Variants in CRADD observed in about 807,000 individuals in gnomAD.
CRADD encodes the protein death domain-containing protein CRADD.
In CRADD, 9 loss-of-function variants were observed where a neutral mutation model predicts 15.5. The ratio of observed to expected loss-of-function variants is 0.58; its 90% CI spans 0.35 to 1.01. CRADD has a LOEUF of 1.01. Ranked by LOEUF, CRADD falls within the 50% of genes least tolerant of loss-of-function variation. The pLI, the probability that CRADD is intolerant of heterozygous loss-of-function variation, is 0.02. For synonymous variants in CRADD, 118 were observed against 107.6 expected (o/e 1.10, Z -0.60); for missense variants, 227 against 250.3 (o/e 0.91, Z 0.63).
intron 2 of CRADD, among the ~76,000 whole-genome samples, chr12:93,834,567 C>T (rs1957953139): frequency 6.6e-6 from 1 of 152,202 alleles, no homozygotes; most frequent in South Asian, 2.1e-4. Flanking sequence ...TAGCTCACCA[C>T]AACCTCTACC....
chr12:93,787,293 T>C (rs1957289306), intron 2 of CRADD, among the ~76,000 whole-genome samples: 1 of 146,068 alleles, frequency 6.8e-6, no homozygotes, highest in South Asian at 2.2e-4. Flanking sequence ...GACTGTAAAG[T>C]AGTATGACAG....
intron 2 of CRADD, among the ~76,000 whole-genome samples, chr12:93,867,829 T>TG (rs749709752): frequency 6.6e-6 from 1 of 152,066 alleles, no homozygotes; most frequent in Non-Finnish European, 1.5e-5. Context: ...TGTTTTTGAG[T>TG]GGGGGGCCCA....
At chr12:93,775,738 C>G (rs1957133944) in intron 2 of CRADD, among the ~76,000 whole-genome samples, 2 of 152,104 alleles carry the variant, frequency 1.3e-5, no homozygotes, top group African/African-American at 2.4e-5. Context: ...AGGTTAGAGT[C>G]AGGGTTGCCA....
chr12:93,746,452 G>A (rs1477961460), intron 2 of CRADD, among the ~76,000 whole-genome samples: 1 of 152,190 alleles, frequency 6.6e-6, no homozygotes, highest in Non-Finnish European at 1.5e-5. Flanking sequence ...ATTCTTTCCG[G>A]AAGTTGGACT....
chr12:93,818,905 T>G (rs543220776), intron 2 of CRADD, among the ~76,000 whole-genome samples: 2 of 152,288 alleles, frequency 1.3e-5, no homozygotes, highest in Non-Finnish European at 2.9e-5. Flanking sequence ...TGTCATAGAG[T>G]GCAACCAGGT....
At chr12:93,735,984 G>A (rs1462962726) in intron 2 of CRADD, among the ~76,000 whole-genome samples, 2 of 151,850 alleles carry the variant, frequency 1.3e-5, no homozygotes, top group African/African-American at 4.8e-5. Context: ...TTGAACCCTG[G>A]AGGCGGAGGT....
At chr12:93,817,607 A>G (rs954694917) in intron 2 of CRADD, among the ~76,000 whole-genome samples, 6 of 151,832 alleles carry the variant, frequency 4.0e-5, no homozygotes. Context: ...TCTTCATGAC[A>G]TATTTTTCCC....
intron 2 of CRADD, among the ~76,000 whole-genome samples, chr12:93,801,366 C>T (rs1426908438): frequency 6.6e-6 from 1 of 152,048 alleles, no homozygotes; most frequent in African/African-American, 2.4e-5. Context: ...TTTGATTGGC[C>T]TTAGATGTAG....
chr12:93,868,174 G>C (rs1182926986), intron 2 of CRADD, among the ~76,000 whole-genome samples: 1 of 152,142 alleles, frequency 6.6e-6, no homozygotes, highest in Non-Finnish European at 1.5e-5. Context: ...CTATAGGAAA[G>C]ACTGAAAAGT....
At chr12:93,747,635 T>G (rs1315048205) in intron 2 of CRADD, among the ~76,000 whole-genome samples, 2 of 152,098 alleles carry the variant, frequency 1.3e-5, no homozygotes, top group African/African-American at 4.8e-5. Context: ...TGCTGGCTAA[T>G]TTTTGTATTT....
At chr12:93,747,988 G>GA (rs142890136) in intron 2 of CRADD, among the ~76,000 whole-genome samples, 1,700 of 150,978 alleles carry the variant, frequency 0.011, 34 homozygotes, top group African/African-American at 0.037. Flanking sequence ...GTAAAGTGGA[G>GA]AAAAAAATAT....
intron 2 of CRADD, among the ~76,000 whole-genome samples, chr12:93,749,976 A>G (rs1956811597): frequency 6.6e-6 from 1 of 152,208 alleles, no homozygotes; most frequent in African/African-American, 2.4e-5. Flanking sequence ...ACATGAATGA[A>G]TAAACCTTTA....
chr12:93,829,446 TG>T (rs536350848), intron 2 of CRADD, among the ~76,000 whole-genome samples: 112 of 152,274 alleles, frequency 7.4e-4, no homozygotes, highest in African/African-American at 2.7e-3. Flanking sequence ...GAGTGGATGC[TG>T]GGGGTAGCCA....
intron 2 of CRADD, among the ~76,000 whole-genome samples, chr12:93,742,323 C>G (rs1432542910): frequency 2.0e-5 from 3 of 152,040 alleles, no homozygotes; most frequent in Non-Finnish European, 4.4e-5. Context: ...AATCCCTGCT[C>G]TAGGAACTGG....
intron 2 of CRADD, among the ~76,000 whole-genome samples, chr12:93,843,404 A>T: frequency 1.5e-5 from 2 of 132,386 alleles, no homozygotes; most frequent in Non-Finnish European, 1.6e-5. Flanking sequence ...TTTTTTTGAG[A>T]CAGTCTTGCT....
chr12:93,844,109 A>G (rs1254942243), intron 2 of CRADD, among the ~76,000 whole-genome samples: 1 of 152,200 alleles, frequency 6.6e-6, no homozygotes, highest in Non-Finnish European at 1.5e-5. Flanking sequence ...CCTTGCAATC[A>G]TGAGTTTGAA....
chr12:93,751,004 C>G (rs1039367218), intron 2 of CRADD, among the ~76,000 whole-genome samples: 1 of 152,192 alleles, frequency 6.6e-6, no homozygotes. Context: ...AGGGAATGCT[C>G]TCACTGAACT....
intron 2 of CRADD, among the ~76,000 whole-genome samples, chr12:93,702,139 TA>T (rs1955854856): frequency 6.6e-6 from 1 of 152,130 alleles, no homozygotes; most frequent in Admixed American, 6.6e-5. Context: ...ACAGAACCTT[TA>T]AAAAAGTAGG....
At position 93,892,934 on chromosome 12, in the gene CRADD, T is replaced by G. The variant is rs185283873; in HGVS notation, c.299-1116T>G. Among the ~76,000 whole-genome samples, 90 of 152,268 alleles carry G rather than the reference T, an allele frequency of 5.9e-4. 1 individual carries two copies. In the East Asian group the frequency reaches 0.017, roughly 28 times the overall value. On this transcript the variant is annotated intron_variant, in intron 2 of 2. Transcript: ENST00000548483. Reference sequence around the variant, plus strand: ...CCTTGATTAATCACAGTGTCTTGTTTCCCAAAGCAAATGTGGCCTTGGCTC... The same window carrying G: ...CCTTGATTAATCACAGTGTCTTGTTGCCCAAAGCAAATGTGGCCTTGGCTC...
Sources: allele counts gnomAD v4.1 joint callset (sites outside exome capture counted in the v4.1 genomes callset), GRCh38; gene constraint gnomAD v4.1.1; transcripts MANE v1.5; gene names NCBI Gene and HGNC (gene_info 2026-07-23, HGNC 2026-07-21).